Variants in C1QTNF3 observed in about 807,000 individuals in gnomAD.
The protein encoded by C1QTNF3 is complement C1q tumor necrosis factor-related protein 3.
In C1QTNF3, 26 loss-of-function variants were observed where a neutral mutation model predicts 32.6. The observed-to-expected ratio is 0.80, with a 90% confidence interval of 0.58 to 1.11. The LOEUF is 1.11. Ranked by LOEUF, C1QTNF3 falls within the 50% of genes least tolerant of loss-of-function variation. C1QTNF3 has a pLI of 0.00. For missense variants in C1QTNF3, 362 were observed against 398.2 expected (o/e 0.91, Z 0.77); for synonymous variants, 155 against 146.0 (o/e 1.06, Z -0.44).
At chr5:34,232,750 A>C in the C1QTNF3 span, among the ~76,000 whole-genome samples, 2 of 152,114 alleles carry the variant, frequency 1.3e-5, no homozygotes, top group African/African-American at 4.8e-5. Flanking sequence ...TCTTTTCTTC[A>C]TAAATTACTC....
chr5:34,243,591 A>C, the C1QTNF3 span, among the ~76,000 whole-genome samples: 1 of 152,258 alleles, frequency 6.6e-6, no homozygotes, highest in Non-Finnish European at 1.5e-5. Context: ...TGGACTGGAT[A>C]AAGAAAATGT....
Position 34,027,633 on chromosome 5 carries a change from G to A in C1QTNF3, c.700+1121C>T, listed in dbSNP as rs555717476. 9.2e-5 allele frequency among the ~76,000 whole-genome samples: 14 copies of A among 151,720 alleles called. No homozygotes were observed. In the East Asian group the frequency reaches 2.7e-3, roughly 30 times the overall value. On this transcript the variant is annotated intron_variant, in intron 4 of 5. Coordinates refer to ENST00000382065, the MANE Select transcript of C1QTNF3 (RefSeq NM_181435.6). ...GGATCGCTTGAGCTTGGCAGGCAGA[G>A]GTGGCAGAAGTTGCAGTGGGCTGAG...
chr5:34,028,073 A>C (rs994530649), intron 4 of C1QTNF3, among the ~76,000 whole-genome samples: 5 of 152,126 alleles, frequency 3.3e-5, no homozygotes, highest in Admixed American at 6.5e-5. Context: ...CCCGGGTTCA[A>C]CCCATTCTCC....
chr5:34,207,041 C>T, the C1QTNF3 span, among the ~76,000 whole-genome samples: 1 of 152,140 alleles, frequency 6.6e-6, no homozygotes, highest in African/African-American at 2.4e-5. Flanking sequence ...GGGACAATGT[C>T]TCTCTTTATT....
chr5:34,065,081 G>T, the C1QTNF3 span, among the ~76,000 whole-genome samples: 1 of 152,058 alleles, frequency 6.6e-6, no homozygotes, highest in African/African-American at 2.4e-5. Context: ...CACAGCAAAA[G>T]AAACTATCAA....
At chr5:34,035,626 G>A in intron 2 of C1QTNF3, 21 bp downstream of exon 2, 2 of 1,524,894 alleles carry the variant, frequency 1.3e-6, no homozygotes, top group Non-Finnish European at 1.8e-6. Flanking sequence ...TAGATTGACA[G>A]TATGTCTTGC....
chr5:34,208,527 T>C, the C1QTNF3 span, among the ~76,000 whole-genome samples: 470 of 152,082 alleles, frequency 3.1e-3, 7 homozygotes, highest in Middle Eastern at 6.8e-3. Context: ...TCTGTACACA[T>C]TGACAAATGT....
At chr5:34,024,046 A>G in intron 4 of C1QTNF3, 38 bp from the exon 5 acceptor site, 1 of 1,529,092 alleles carries the variant, frequency 6.5e-7, no homozygotes, top group Non-Finnish European at 9.0e-7. Context: ...TGATATTAAC[A>G]TGTTATACAT....
chr5:34,027,432 C>T (rs954583247), intron 4 of C1QTNF3, among the ~76,000 whole-genome samples: 5 of 152,160 alleles, frequency 3.3e-5, no homozygotes, highest in African/African-American at 1.2e-4. Context: ...GGCATGGTGG[C>T]TTACACCTGT....
the C1QTNF3 span, among the ~76,000 whole-genome samples, chr5:34,203,296 G>C: frequency 6.6e-6 from 1 of 152,046 alleles, no homozygotes; most frequent in Non-Finnish European, 1.5e-5. Context: ...TATAAAACAA[G>C]TAGAAAACAA....
chr5:34,078,665 C>T, the C1QTNF3 span, among the ~76,000 whole-genome samples: 1,859 of 151,676 alleles, frequency 0.012, 16 homozygotes, highest in South Asian at 0.029. This position sits in a 1 kb window ranked among gnomAD's most constrained non-coding sequence, Gnocchi z 4.0. Context: ...CGCACCATAT[C>T]ACCACCTATC....
At chr5:34,117,946 C>G in the C1QTNF3 span, among the ~76,000 whole-genome samples, 2 of 151,950 alleles carry the variant, frequency 1.3e-5, no homozygotes, top group African/African-American at 4.8e-5. Context: ...CTTTTAAAAT[C>G]AACTATGAAA....
chr5:34,105,761 TG>T, the C1QTNF3 span: 93 of 149,700 alleles, frequency 6.2e-4, 1 homozygote, highest in Middle Eastern at 0.01. Flanking sequence ...TTAAAAAATG[TG>T]TATTTTATTA....
At chr5:34,067,685 G>A in the C1QTNF3 span, among the ~76,000 whole-genome samples, 3 of 152,140 alleles carry the variant, frequency 2.0e-5, no homozygotes, top group Admixed American at 6.5e-5. Context: ...TTTGGATAGG[G>A]ACACATTAAA....
chr5:34,177,621 G>C, the C1QTNF3 span, among the ~76,000 whole-genome samples: 10 of 151,588 alleles, frequency 6.6e-5, no homozygotes, highest in South Asian at 2.1e-4. Flanking sequence ...TGAGTAGCTG[G>C]GATTACAGGT....
the C1QTNF3 span, among the ~76,000 whole-genome samples, chr5:34,067,126 C>T: frequency 6.6e-6 from 1 of 152,228 alleles, no homozygotes; most frequent in South Asian, 2.1e-4. Flanking sequence ...TCATCTCCAT[C>T]TGATATCATC....
the C1QTNF3 span, among the ~76,000 whole-genome samples, chr5:34,174,981 T>G: frequency 6.6e-6 from 1 of 151,572 alleles, no homozygotes; most frequent in Non-Finnish European, 1.5e-5. Context: ...TCTCCTGACC[T>G]CATGATCTGC....
chr5:34,041,101 G>A (rs1754862316), intron 1 of C1QTNF3, among the ~76,000 whole-genome samples: 1 of 152,122 alleles, frequency 6.6e-6, no homozygotes, highest in Non-Finnish European at 1.5e-5. Context: ...AAATACACGG[G>A]AACTGAATGA....
At chr5:34,173,967 G>A in the C1QTNF3 span, among the ~76,000 whole-genome samples, 1 of 152,214 alleles carries the variant, frequency 6.6e-6, no homozygotes. Flanking sequence ...GAAATGCTTG[G>A]TGGCTCTTAG....
Sources: allele counts gnomAD v4.1 joint callset (sites outside exome capture counted in the v4.1 genomes callset), GRCh38; gene constraint gnomAD v4.1.1; non-coding constraint Gnocchi (gnomAD v3.1); transcripts MANE v1.5; gene names NCBI Gene and HGNC (gene_info 2026-07-23, HGNC 2026-07-21).